Variants in HMX1 observed in about 807,000 individuals in gnomAD.
HMX1 encodes the protein H6 family homeobox 1, also known as homeobox protein HMX1.
A neutral mutation model predicts 8.9 loss-of-function variants in HMX1; 8 were observed. The ratio of observed to expected loss-of-function variants is 0.90; its 90% CI spans 0.53 to 1.63. The LOEUF is 1.63. Ranked by LOEUF, HMX1 falls within the 40% of genes most tolerant of loss-of-function variation. The pLI is 0.00. For synonymous variants in HMX1, 311 were observed against 283.4 expected (o/e 1.10, Z -0.98); for missense variants, 621 against 558.5 (o/e 1.11, Z -1.13).
rs1053625143 is a variant in HMX1 at position 8,847,071 on chromosome 4, G to C, written c.395-747C>G. ...TGCCAGGCCCAGGGCTGCTGACACA[G>C]TGGCAAAGTGGGAATTCCCTGACCA... On this transcript the variant is annotated intron_variant, in intron 1 of 1. Coordinates refer to the HMX1 transcript ENST00000506970. The surrounding 1 kb of genome is among the most constrained non-coding windows in gnomAD (Gnocchi z 6.0). 3.3e-5 allele frequency among the ~76,000 whole-genome samples: 5 copies of C among 152,196 alleles called. No individual in the cohort carries two copies. Among genetic ancestry groups the C allele is most frequent in the Non-Finnish European group, 7.3e-5 (5 of 68,038 alleles).
Position 8,871,447 on chromosome 4 carries a change from G to T in HMX1, c.168C>A (p.Asp56Glu). 4 of 1,334,150 alleles carry T rather than the reference G, an allele frequency of 3.0e-6. No homozygotes were observed. Among genetic ancestry groups the T allele is most frequent in the Non-Finnish European group, 3.9e-6 (4 of 1,029,294 alleles). The allele number at this position is 1,334,150 out of a possible 1,614,324, so 82.6% of individuals were successfully genotyped here. The change falls in exon 1 of 2, where the codon GAC (aspartate) becomes GAA (glutamate). Residue 56 changes from aspartate to glutamate, a missense_variant. Physicochemically the swap from Asp to Glu is conservative, Grantham distance 45 (BLOSUM62 2). Coordinates refer to ENST00000400677, the MANE Select transcript of HMX1 (RefSeq NM_018942.3). This position sits in a 1 kb window ranked among gnomAD's most constrained non-coding sequence, Gnocchi z 4.8. The stretch of plus-strand genomic sequence containing the variant: ...GCCGTCGCCGCCGCGCCTGCTCGGC[G>T]TCCTCGTCTTCGGGGTCGTCGTCGT... ...EEDDDDPEDEDAEQARRRRLQ... is the reference protein window; with the variant it reads ...EEDDDDPEDEEAEQARRRRLQ...
chr4:8,867,406 G>GCCC lies in HMX1; in HGVS notation c.*286_*287insGGG. ...TGGCCGACCGCTCCTCGCTGAGGCC[G>GCCC]GGGGGTGGCCGTGGCGCCGGGGGCT... On this transcript the variant is annotated 3_prime_UTR_variant, in exon 2 of 2. Coordinates refer to ENST00000400677, the MANE Select transcript of HMX1 (RefSeq NM_018942.3). 9.4e-7 allele frequency: 1 copy of GCCC among 1,066,148 alleles called. No individual in the cohort carries two copies. Among genetic ancestry groups the GCCC allele is most frequent in the African/African-American group, 1.8e-5 (1 of 54,706 alleles). 66.0% of individuals were successfully genotyped at this position (1,066,148 alleles called of 1,614,324 possible). A position where few individuals can be genotyped will look rare whatever the true frequency, so the allele number is the denominator to read the frequency against.
intron 1 of HMX1, among the ~76,000 whole-genome samples, chr4:8,858,004 A>C (rs1290119009): frequency 6.6e-6 from 1 of 151,906 alleles, no homozygotes; most frequent in Non-Finnish European, 1.5e-5. Context: ...TTAACGAAAA[A>C]GAAGTTGAAG....
chr4:8,866,163 G>A (rs1251067929), downstream of HMX1, among the ~76,000 whole-genome samples: 3 of 152,178 alleles, frequency 2.0e-5, no homozygotes, highest in African/African-American at 7.2e-5. Context: ...ATGATTCTGG[G>A]TCAGGAGCTG....
chr4:8,865,864 C>T (rs1024268505), downstream of HMX1, among the ~76,000 whole-genome samples: 1 of 152,208 alleles, frequency 6.6e-6, no homozygotes, highest in Non-Finnish European at 1.5e-5. Context: ...AGCCCCAAAG[C>T]AGCGAGGGAG....
At position 8,867,737 on chromosome 4, in the gene HMX1, C is replaced by T; in HGVS notation, c.1003G>A (p.Ala335Thr). The T allele has an allele frequency of 1.6e-6, 2 of 1,288,586 alleles. No homozygotes were observed. The highest frequency in any genetic ancestry group is 2.0e-6 in the Non-Finnish European group (2 of 1,021,156). 79.8% of individuals were successfully genotyped at this position (1,288,586 alleles called of 1,614,324 possible). Residue 335 changes from alanine (A) to threonine (T), a missense_variant, in exon 2 of 2, where the codon GCC (alanine) becomes ACC (threonine). Transcript: ENST00000400677. ...TGCGCCCGCAGAAAGGGCACGGAGG[C>T]GGCGGCCGGGAAGGCGGCCAGCGGG... The part of the protein sequence containing the change: ...AYPLAAFPAA[A>T]SVPFLRAQMP...
chr4:8,849,622 C>A lies in HMX1; in HGVS notation c.395-3298G>T, dbSNP rs952444412. Among the ~76,000 whole-genome samples, 3 of 152,170 alleles carry A rather than the reference C, an allele frequency of 2.0e-5. No individual in the cohort carries two copies. Among genetic ancestry groups the A allele is most frequent in the African/African-American group, 4.8e-5 (2 of 41,440 alleles). ...GGTCCCGGCAGCCCCAGGACACTCA[C>A]GGAGACACACGCAGGGCAGCTCTCC... On this transcript the variant is annotated intron_variant, in intron 1 of 1. Coordinates refer to the HMX1 transcript ENST00000506970. The surrounding 1 kb of genome is among the most constrained non-coding windows in gnomAD (Gnocchi z 6.6).
chr4:8,858,455 C>T (rs1721686379), intron 1 of HMX1, among the ~76,000 whole-genome samples: 1 of 152,190 alleles, frequency 6.6e-6, no homozygotes, highest in African/African-American at 2.4e-5. Context: ...GGGCCAGGCG[C>T]GGCAAGACCC....
downstream of HMX1, among the ~76,000 whole-genome samples, chr4:8,863,104 C>T (rs959014782): frequency 1.3e-5 from 2 of 152,204 alleles, no homozygotes; most frequent in Non-Finnish European, 2.9e-5. Flanking sequence ...CTCTGGCTAC[C>T]AGAAGGGCAG....
Position 8,867,201 on chromosome 4 carries a change from G to A in HMX1, c.*492C>T. 1.0e-6 allele frequency: 1 copy of A among 985,752 alleles called. No individual in the cohort carries two copies. Among genetic ancestry groups the A allele is most frequent in the Non-Finnish European group, 1.2e-6 (1 of 830,122 alleles). The allele number at this position is 985,752 out of a possible 1,614,324, so 61.1% of individuals were successfully genotyped here. A position where few individuals can be genotyped will look rare whatever the true frequency, so the allele number is the denominator to read the frequency against. The stretch of plus-strand genomic sequence containing the variant: ...CAGGTCCAGGGTCCTTTCTCCACCA[G>A]CACCCGCGAGAGGGGTAGCACAGCC... On this transcript the variant is annotated 3_prime_UTR_variant, in exon 2 of 2. Coordinates refer to ENST00000400677, the MANE Select transcript of HMX1 (RefSeq NM_018942.3).
chr4:8,860,886 G>A (rs1170025018), intron 1 of HMX1: 1 of 151,988 alleles, frequency 6.6e-6, no homozygotes, highest in Non-Finnish European at 1.5e-5. Flanking sequence ...GGCGAGGTGA[G>A]AACTGAGGGG....
downstream of HMX1, among the ~76,000 whole-genome samples, chr4:8,866,382 C>G (rs927365869): frequency 2.6e-5 from 4 of 152,244 alleles, no homozygotes; most frequent in African/African-American, 7.2e-5. Flanking sequence ...TTTTCAAACC[C>G]GAACAACATA....
At position 8,871,236 on chromosome 4, in the gene HMX1, C is replaced by T. The variant is rs866799170; in HGVS notation, c.379G>A (p.Gly127Ser). Residue 127 changes from glycine to serine, a missense_variant, in exon 1 of 2, where the codon GGC becomes AGC. Transcript: ENST00000400677. This position sits in a 1 kb window ranked among gnomAD's most constrained non-coding sequence, Gnocchi z 4.8. ...CCTCACTCACTGTCAGGACTGAGGC[C>T]GCCTCCATAGCCACCGTGCGCCCGT... is the stretch of plus-strand genomic sequence containing the variant. ...YPRAHGGYGGGLSPDTSDRDS... is the reference protein window; with the variant it reads ...YPRAHGGYGGSLSPDTSDRDS... 30 of 1,482,844 alleles carry T rather than the reference C, an allele frequency of 2.0e-5. No individual in the cohort carries two copies. The Admixed American group carries it at 3.8e-4, about 19-fold the overall frequency. The allele number at this position is 1,482,844 out of a possible 1,614,324, so 91.9% of individuals were successfully genotyped here.
rs1260497136 is a variant in HMX1 at position 8,868,406 on chromosome 4, T to G, written c.395-61A>C. ...GGCACTGATTACCAGACTCAATCAC[T>G]GAGGCCAGCCGTCCCCACCTTGAGG... On this transcript the variant is annotated intron_variant, in intron 1 of 1. Coordinates refer to ENST00000400677, the MANE Select transcript of HMX1 (RefSeq NM_018942.3). This position sits in a 1 kb window ranked among gnomAD's most constrained non-coding sequence, Gnocchi z 4.6. 4 of 1,222,800 alleles carry G rather than the reference T, an allele frequency of 3.3e-6. No homozygotes were observed. In the African/African-American group the frequency reaches 6.3e-5, roughly 19 times the overall value. 75.7% of individuals were successfully genotyped at this position (1,222,800 alleles called of 1,614,324 possible). A position where few individuals can be genotyped will look rare whatever the true frequency, so the allele number is the denominator to read the frequency against.
chr4:8,846,975 G>A (rs1721296354), intron 1 of HMX1, among the ~76,000 whole-genome samples: 1 of 152,228 alleles, frequency 6.6e-6, no homozygotes, highest in Admixed American at 6.5e-5. Flanking sequence ...CAGGGTGCCA[G>A]CTAGGGGTTC....
rs1233375894 is a variant in HMX1, at chr4:8,867,747, G to A, written c.993C>T (p.Phe331=). ...GAAAGGGCACGGAGGCGGCGGCCGG[G>A]AAGGCGGCCAGCGGGTAGGCGAGGG... is the stretch of plus-strand genomic sequence containing the variant. ...SGALAYPLAA[F]PAAASVPFLR... The change falls in exon 2 of 2, where the codon TTC becomes TTT. Residue 331 remains phenylalanine (F), a synonymous_variant. Coordinates refer to ENST00000400677, the MANE Select transcript of HMX1 (RefSeq NM_018942.3). 45 of 1,290,476 alleles carry A rather than the reference G, an allele frequency of 3.5e-5. No homozygotes were observed. The highest frequency in any genetic ancestry group is 4.4e-5 in the Non-Finnish European group (45 of 1,022,624). 79.9% of individuals were successfully genotyped at this position (1,290,476 alleles called of 1,614,324 possible).
chr4:8,852,610 G>A (rs1721489464), intron 1 of HMX1, among the ~76,000 whole-genome samples: 1 of 152,232 alleles, frequency 6.6e-6, no homozygotes, highest in Non-Finnish European at 1.5e-5. Flanking sequence ...ACGGGAGTCA[G>A]CCTCCGGGGC....
In HMX1 at chr4:8,868,584, C is replaced by A. The variant is rs1300149931; in HGVS notation, c.395-239G>T. Among the ~76,000 whole-genome samples, 1 of 152,166 alleles carries A rather than the reference C, an allele frequency of 6.6e-6. No individual in the cohort carries two copies. The highest frequency in any genetic ancestry group is 6.5e-5 in the Admixed American group (1 of 15,280). ...CCCGCAACACACCAACACCCCGCAACACACAAACACAAACGCACACCCATG... is the reference window on the plus strand; with the variant it reads ...CCCGCAACACACCAACACCCCGCAAAACACAAACACAAACGCACACCCATG... On this transcript the variant is annotated intron_variant, in intron 1 of 1. Transcript: ENST00000400677. The surrounding 1 kb of genome is among the most constrained non-coding windows in gnomAD (Gnocchi z 4.6).
Position 8,871,320 on chromosome 4 carries a change from G to C in HMX1, c.295C>G (p.Pro99Ala). Residue 99 changes from proline to alanine, a missense_variant, in exon 1 of 2, where the codon CCC becomes GCC. Coordinates refer to ENST00000400677, the MANE Select transcript of HMX1 (RefSeq NM_018942.3). The surrounding 1 kb of genome is among the most constrained non-coding windows in gnomAD (Gnocchi z 4.8). ...GCGAAGGGCGGCCCGGGACCGGGGGGCGGCCGAGGACCGAGGCCCAGCGCG... is the reference window on the plus strand; with the variant it reads ...GCGAAGGGCGGCCCGGGACCGGGGGCCGGCCGAGGACCGAGGCCCAGCGCG... The part of the protein sequence containing the change: ...PGALGLGPRP[P>A]PGPGPPFALG... The C allele has an allele frequency of 7.3e-7, 1 of 1,376,726 alleles. No homozygotes were observed. The highest frequency in any genetic ancestry group is 3.5e-5 in the Admixed American group (1 of 28,290). The allele number at this position is 1,376,726 out of a possible 1,614,324, so 85.3% of individuals were successfully genotyped here. A position where few individuals can be genotyped will look rare whatever the true frequency, so the allele number is the denominator to read the frequency against.
Sources: allele counts gnomAD v4.1 joint callset (sites outside exome capture counted in the v4.1 genomes callset), GRCh38; gene constraint gnomAD v4.1.1; non-coding constraint Gnocchi (gnomAD v3.1); transcripts MANE v1.5; gene names NCBI Gene and HGNC (gene_info 2026-07-23, HGNC 2026-07-21).